Variants in SRP54 observed in about 807,000 individuals in gnomAD.
SRP54 encodes the protein signal recognition particle subunit SRP54.
Under a neutral mutation model 64.8 loss-of-function variants are expected in SRP54, and 10 were observed. The observed-to-expected ratio is 0.15, with a 90% CI of 0.10 to 0.26. The LOEUF (loss-of-function observed/expected upper bound fraction) is 0.26, where lower values mean the gene tolerates loss of function less well. Ranked by LOEUF, SRP54 falls within the 10% of genes least tolerant of loss-of-function variation. The pLI, the probability that SRP54 is intolerant of heterozygous loss-of-function variation, is 1.00. For synonymous variants in SRP54, 193 were observed against 185.6 expected, an observed-to-expected ratio of 1.04 and a Z score of -0.32; for missense variants, 325 against 613.7, an observed-to-expected ratio of 0.53 and a Z score of 4.97.
At chr14:35,013,983 C>T in intron 10 of SRP54, 81 bp downstream of exon 10, 1 of 1,021,138 alleles carries the variant, frequency 9.8e-7, no homozygotes, top group Non-Finnish European at 1.5e-6. Context: ...TTAATTCTGT[C>T]CTCACTAATT....
chr14:35,023,822 A>T (rs1308543132), intron 14 of SRP54, among the ~76,000 whole-genome samples: 1 of 149,974 alleles, frequency 6.7e-6, no homozygotes, highest in Non-Finnish European at 1.5e-5. Flanking sequence ...ACACACACAC[A>T]CTTCTTCTGA....
At chr14:34,994,510 A>C (rs1407270044) in intron 1 of SRP54, among the ~76,000 whole-genome samples, 1 of 152,084 alleles carries the variant, frequency 6.6e-6, no homozygotes, top group African/African-American at 2.4e-5. Context: ...GTTTCCTTCT[A>C]ACTGTATACA....
At chr14:34,992,915 A>G (rs1389604071) in intron 1 of SRP54, among the ~76,000 whole-genome samples, 1 of 152,010 alleles carries the variant, frequency 6.6e-6, no homozygotes, top group Non-Finnish European at 1.5e-5. Context: ...ATCTCATCAC[A>G]GTGATGTGAT....
chr14:35,011,987 G>C (rs954057956), intron 8 of SRP54, among the ~76,000 whole-genome samples: 5 of 152,080 alleles, frequency 3.3e-5, no homozygotes, highest in Non-Finnish European at 7.4e-5. Context: ...GGGAGGCCAG[G>C]GCGGATGGAT....
At chr14:34,997,929 T>C (rs74046408) in intron 2 of SRP54, among the ~76,000 whole-genome samples, 29,983 of 152,004 alleles carry the variant, frequency 0.2, 3,208 homozygotes, top group East Asian at 0.38. Context: ...CTTATGTTCT[T>C]TGTGTTTATA....
intron 1 of SRP54, among the ~76,000 whole-genome samples, chr14:34,994,399 C>T (rs1469393298): frequency 1.3e-5 from 2 of 152,100 alleles, no homozygotes; most frequent in African/African-American, 4.8e-5. Context: ...GGAAGGGTTA[C>T]CAAAACAGTT....
intron 4 of SRP54, among the ~76,000 whole-genome samples, chr14:35,004,095 A>C (rs905308734): frequency 7.2e-5 from 11 of 151,994 alleles, no homozygotes; most frequent in Non-Finnish European, 1.5e-4. Context: ...ATAAAAAAAA[A>C]AAAAATTAGC....
intron 1 of SRP54, among the ~76,000 whole-genome samples, chr14:34,984,002 T>G (rs1228942093): frequency 6.6e-6 from 1 of 152,162 alleles, no homozygotes; most frequent in Non-Finnish European, 1.5e-5. Flanking sequence ...TTAATAGGCT[T>G]GTTTTGAGGA....
chr14:35,020,255 A>G (rs763163142), intron 13 of SRP54, among the ~76,000 whole-genome samples: 26 of 152,192 alleles, frequency 1.7e-4, no homozygotes, highest in Non-Finnish European at 7.3e-5. Context: ...TCAGTGCATT[A>G]TAATCTTTTT....
At chr14:35,016,603 A>C (rs1417884616) in intron 11 of SRP54, among the ~76,000 whole-genome samples, 1 of 152,154 alleles carries the variant, frequency 6.6e-6, no homozygotes, top group Non-Finnish European at 1.5e-5. Context: ...CCCTAGACTG[A>C]GTTGGAACCT....
intron 2 of SRP54, chr14:34,997,045 CAT>C (rs67317742): frequency 0.2 from 71,140 of 350,166 alleles, 7,952 homozygotes; most frequent in East Asian, 0.39. Context: ...GTAAAAATAA[CAT>C]ATTTTATCTT....
At chr14:35,003,779 C>CA (rs2044215399) in intron 4 of SRP54, among the ~76,000 whole-genome samples, 1 of 148,400 alleles carries the variant, frequency 6.7e-6, no homozygotes, top group South Asian at 2.1e-4. Context: ...ACAAAAAATA[C>CA]AAAAATTAGC....
intron 14 of SRP54, among the ~76,000 whole-genome samples, chr14:35,023,374 C>T (rs1298764416): frequency 2.0e-5 from 3 of 151,540 alleles, no homozygotes; most frequent in African/African-American, 7.3e-5. Context: ...AAAAAAAACA[C>T]ATTACCTTTA....
intron 10 of SRP54, 123 bp from the exon 11 acceptor site, chr14:35,014,621 A>G: frequency 2.8e-6 from 2 of 714,836 alleles, no homozygotes; most frequent in East Asian, 2.7e-5. Flanking sequence ...TCATTTGTGT[A>G]GTGTAGTAAG....
chr14:35,004,107 A>C (rs1026946112), intron 4 of SRP54, among the ~76,000 whole-genome samples: 2 of 151,760 alleles, frequency 1.3e-5, no homozygotes. Context: ...AAAATTAGCC[A>C]TGTCTAGTGG....
At chr14:34,986,903 C>T (rs979583355) in intron 1 of SRP54, among the ~76,000 whole-genome samples, 8 of 151,052 alleles carry the variant, frequency 5.3e-5, no homozygotes, top group African/African-American at 1.9e-4. Context: ...AGTTATTCAT[C>T]ATCCAGAGAT....
chr14:34,996,532 CTG>C, intron 1 of SRP54, 143 bp from the exon 2 acceptor site: 1 of 500,184 alleles, frequency 2.0e-6, no homozygotes, highest in Non-Finnish European at 3.6e-6. Context: ...TATGACATGA[CTG>C]TATTTAAGCA....
chr14:34,992,375 C>T (rs1040090896), intron 1 of SRP54, among the ~76,000 whole-genome samples: 13 of 152,050 alleles, frequency 8.5e-5, no homozygotes, highest in Non-Finnish European at 1.6e-4. Context: ...TGGAAAACCT[C>T]ACAGAAGTTT....
At chr14:34,990,395 A>G (rs2043960617) in intron 1 of SRP54, among the ~76,000 whole-genome samples, 1 of 152,188 alleles carries the variant, frequency 6.6e-6, no homozygotes, top group Admixed American at 6.5e-5. Flanking sequence ...CCAAAGGACT[A>G]TGGGAAGTCA....
Sources: gnomAD v4.1 joint callset for allele counts (sites outside exome capture counted in the v4.1 genomes callset) on GRCh38, gnomAD v4.1.1 for gene constraint, MANE v1.5 for transcripts, NCBI Gene and HGNC (gene_info 2026-07-23, HGNC 2026-07-21) for gene names.